Variants in MPV17L2 observed in about 807,000 individuals in gnomAD.
The protein encoded by MPV17L2 is MPV17 mitochondrial inner membrane protein like 2.
Under a neutral mutation model 24.2 loss-of-function variants are expected in MPV17L2, and 25 were observed. The ratio of observed to expected loss-of-function variants is 1.03; its 90% CI spans 0.75 to 1.44. The LOEUF (loss-of-function observed/expected upper bound fraction) is 1.44. Among genes scored for constraint, MPV17L2 ranks in the 40% most tolerant of loss-of-function variants. The pLI is 0.00. For synonymous variants in MPV17L2, 130 were observed against 121.4 expected (o/e 1.07, Z -0.46); for missense variants, 271 against 276.2 (o/e 0.98, Z 0.13).
At chr19:18,193,834 G>C (rs375981034) in intron 1 of MPV17L2, 30 bp from the exon 2 acceptor site, 2 of 1,607,862 alleles carry the variant, frequency 1.2e-6, no homozygotes, top group Non-Finnish European at 1.7e-6. Flanking sequence ...TTGCCGGCCC[G>C]ACCCAGCCCC....
rs771796266 is a variant in MPV17L2 at position 18,193,877 on chromosome 19, G to A, written c.201G>A (p.Ala67=). The change falls in exon 2 of 5, where the codon GCG becomes GCA. Residue 67 remains alanine, a synonymous_variant. Coordinates refer to ENST00000599612, the MANE Select transcript of MPV17L2 (RefSeq NM_032683.3). ...FDPRRSASMF[A]VGCSMGPFLH... is the part of the protein sequence containing the mutation. ...ACACTCTTATAGCGAGCATGTTTGCGGTGGGCTGCAGCATGGGTCCCTTCC... is the reference window on the plus strand; with the variant it reads ...ACACTCTTATAGCGAGCATGTTTGCAGTGGGCTGCAGCATGGGTCCCTTCC... 6.2e-7 allele frequency: 1 copy of A among 1,614,174 alleles called. No homozygotes were observed. The highest frequency in any genetic ancestry group is 2.2e-5 in the East Asian group (1 of 44,890).
chr19:18,196,652 T>C lies in MPV17L2; in HGVS notation c.*597T>C. The C allele has an allele frequency of 2.8e-6, 1 of 358,794 alleles. No individual in the cohort carries two copies. Among genetic ancestry groups the C allele is most frequent in the Non-Finnish European group, 5.4e-6 (1 of 184,854 alleles). The allele number at this position is 358,794 out of a possible 1,614,324, so 22.2% of individuals were successfully genotyped here. ...CCTTCCCGAGGCTGAGGTGGAAGGA[T>C]TGCTCGAGGCCAGGTGTTCGAGACC... On this transcript the variant is annotated 3_prime_UTR_variant, in exon 5 of 5. Transcript: ENST00000599612.
intron 4 of MPV17L2, 104 bp downstream of exon 4, chr19:18,195,190 C>T (rs1020537172): frequency 2.0e-6 from 3 of 1,504,328 alleles, no homozygotes; most frequent in Non-Finnish European, 1.8e-6. Flanking sequence ...GTGGGAGTCT[C>T]CTGTGCTCCT....
rs1386325517 is a variant in MPV17L2, at chr19:18,196,749, GGAT to G, written c.*698_*700del. On this transcript the variant is annotated 3_prime_UTR_variant, in exon 5 of 5. Coordinates refer to ENST00000599612, the MANE Select transcript of MPV17L2 (RefSeq NM_032683.3). ...TAAAAATAACAAAAGAAAATGCTGT[GGAT>G]GATCAAAACCAGGGTGGGCAGGACC... is the stretch of plus-strand genomic sequence containing the variant. The G allele has an allele frequency of 3.1e-6, 1 of 324,138 alleles. No homozygotes were observed. The highest frequency in any genetic ancestry group is 8.1e-5 in the East Asian group (1 of 12,332). 20.1% of individuals were successfully genotyped at this position (324,138 alleles called of 1,614,324 possible).
In MPV17L2 at chr19:18,193,968, GTCC is replaced by G; in HGVS notation, c.295_297del (p.Leu99del). 1 of 1,614,236 alleles carries G rather than the reference GTCC, an allele frequency of 6.2e-7. No homozygotes were observed. The highest frequency in any genetic ancestry group is 8.5e-7 in the Non-Finnish European group (1 of 1,180,042). ...GTCTGGCCTCCGAGGCTTCCCAAAT[GTCC>G]TCAAGAAGGTCCTCGTGGATCAGCT... On this transcript the variant is annotated inframe_deletion, in exon 2 of 5. Transcript: ENST00000599612.
chr19:18,193,259 C>T lies in MPV17L2; in HGVS notation c.-23C>T, dbSNP rs781433793. ...GCGCGGCGAAAGCAGAGCGGCGCGC[C>T]GGTTCCTTGGTTCCTGAGGGCGATG... On this transcript the variant is annotated 5_prime_UTR_variant, in exon 1 of 5. Coordinates refer to ENST00000599612, the MANE Select transcript of MPV17L2 (RefSeq NM_032683.3). 1.3e-5 allele frequency: 19 copies of T among 1,467,118 alleles called. No homozygotes were observed. The highest frequency in any genetic ancestry group is 1.4e-5 in the South Asian group (1 of 73,982). The allele number at this position is 1,467,118 out of a possible 1,614,324, so 90.9% of individuals were successfully genotyped here.
chr19:18,196,947 A>AC (rs148340002), exon 5 of MPV17L2: 7,460 of 132,642 alleles, frequency 0.056, 275 homozygotes, highest in Non-Finnish European at 0.076. Flanking sequence ...CCCACAGCAC[A>AC]CCCCCCCACC....
chr19:18,194,309 A>AAGAGGGAACCAGCGGGC (rs1967473542), intron 2 of MPV17L2: 1 of 511,954 alleles, frequency 2.0e-6, no homozygotes. Context: ...TTGAGACATG[A>AAGAGGGAACCAGCGGGC]AGAGGGAACC....
At position 18,194,964 on chromosome 19, in the gene MPV17L2, T is replaced by C; in HGVS notation, c.442T>C (p.Trp148Arg). The C allele has an allele frequency of 6.3e-7, 1 of 1,588,880 alleles. No individual in the cohort carries two copies. The highest frequency in any genetic ancestry group is 8.6e-7 in the Non-Finnish European group (1 of 1,166,048). ...EKFWEFYKAD[W>R]CVWPAAQFVN... ...CCCCCGCCTCTCCCCGCAGGCAGAC[T>C]GGTGCGTGTGGCCTGCTGCGCAGTT... Residue 148 changes from tryptophan (W) to arginine (R), a missense_variant, in exon 4 of 5, where the codon TGG (tryptophan) becomes CGG (arginine). Coordinates refer to ENST00000599612, the MANE Select transcript of MPV17L2 (RefSeq NM_032683.3).
In MPV17L2 at chr19:18,196,584, AAACTGC is replaced by A. The variant is rs1264397994; in HGVS notation, c.*530_*535del. On this transcript the variant is annotated 3_prime_UTR_variant, in exon 5 of 5. Coordinates refer to ENST00000599612, the MANE Select transcript of MPV17L2 (RefSeq NM_032683.3). ...TTAAACTCTCTCTATAATGTAACTG[AAACTGC>A]TGGCTGGGCGCAGTGGCTCCCACCT... 1 of 560,058 alleles carries A rather than the reference AAACTGC, an allele frequency of 1.8e-6. No homozygotes were observed. Among genetic ancestry groups the A allele is most frequent in the African/African-American group, 2.0e-5 (1 of 50,238 alleles). 34.7% of individuals were successfully genotyped at this position (560,058 alleles called of 1,614,324 possible). A position where few individuals can be genotyped will look rare whatever the true frequency, so the allele number is the denominator to read the frequency against.
intron 2 of MPV17L2, 47 bp from the exon 3 acceptor site, chr19:18,194,729 CA>C: frequency 6.6e-7 from 1 of 1,526,502 alleles, no homozygotes; most frequent in Non-Finnish European, 8.9e-7. Flanking sequence ...GTCGTCTCAA[CA>C]GTACTTCCTG....
In MPV17L2 at chr19:18,196,813, G is replaced by A. The variant is rs370913989; in HGVS notation, c.*758G>A. The A allele has an allele frequency of 6.9e-5, 20 of 288,644 alleles. No homozygotes were observed. The highest frequency in any genetic ancestry group is 6.3e-4 in the East Asian group (7 of 11,164). The allele number at this position is 288,644 out of a possible 1,614,324, so 17.9% of individuals were successfully genotyped here. The stretch of plus-strand genomic sequence containing the variant: ...AGGGACACACATGGATGGTCCATTC[G>A]CTTTATTGGGTGCGTGTAGTGTTGT... On this transcript the variant is annotated 3_prime_UTR_variant, in exon 5 of 5. Coordinates refer to ENST00000599612, the MANE Select transcript of MPV17L2 (RefSeq NM_032683.3).
intron 1 of MPV17L2, 139 bp downstream of exon 1, chr19:18,193,607 G>A: frequency 7.1e-7 from 1 of 1,406,226 alleles, no homozygotes. Context: ...CCGGGTGTCT[G>A]TCTCCCCGCA....
intron 3 of MPV17L2, 40 bp downstream of exon 3, chr19:18,194,893 C>G (rs1308427685): frequency 1.9e-6 from 3 of 1,591,936 alleles, no homozygotes; most frequent in African/African-American, 2.7e-5. Flanking sequence ...GGCCCCGCCC[C>G]CTGATGGCCG....
At position 18,196,247 on chromosome 19, in the gene MPV17L2, C is replaced by T; in HGVS notation, c.*192C>T. 3 of 1,523,646 alleles carry T rather than the reference C, an allele frequency of 2.0e-6. No homozygotes were observed. Among genetic ancestry groups the T allele is most frequent in the East Asian group, 2.5e-5 (1 of 40,122 alleles). 94.4% of individuals were successfully genotyped at this position (1,523,646 alleles called of 1,614,324 possible). A position where few individuals can be genotyped will look rare whatever the true frequency, so the allele number is the denominator to read the frequency against. On this transcript the variant is annotated 3_prime_UTR_variant, in exon 5 of 5. Coordinates refer to ENST00000599612, the MANE Select transcript of MPV17L2 (RefSeq NM_032683.3). ...ACTGAGTTTCCTCAACCGGAACACA[C>T]CCATGAAGATGGATGATCATCCCCT...
intron 4 of MPV17L2, 49 bp from the exon 5 acceptor site, chr19:18,195,950 G>A (rs1442932926): frequency 2.6e-6 from 4 of 1,557,440 alleles, no homozygotes; most frequent in African/African-American, 1.4e-5. Flanking sequence ...AGAGGGACAG[G>A]GAGGGATGAG....
chr19:18,193,452 C>T lies in MPV17L2; in HGVS notation c.171C>T (p.Phe57=). The T allele has an allele frequency of 6.5e-7, 1 of 1,534,442 alleles. No homozygotes were observed. Among genetic ancestry groups the T allele is most frequent in the Non-Finnish European group, 8.7e-7 (1 of 1,151,836 alleles). Reference sequence around the variant, plus strand: ...TCCGCGCCCGGCCCGGCCAGGTTTTCGACCCACGGCGCTCCGGTGAGGACG... The same window carrying T: ...TCCGCGCCCGGCCCGGCCAGGTTTTTGACCCACGGCGCTCCGGTGAGGACG... ...WEIRARPGQV[F]DPRRSASMFA... Residue 57 remains phenylalanine, a synonymous_variant, in exon 1 of 5, where the codon TTC becomes TTT. Transcript: ENST00000599612.
rs1967532444 is a variant in MPV17L2 at position 18,196,909 on chromosome 19, G to GGA, written c.*855_*856insAG. On this transcript the variant is annotated 3_prime_UTR_variant, in exon 5 of 5. Transcript: ENST00000599612. ...GGTCAGAACAGGTCTGGTGGGCGGG[G>GGA]GGGGGGGGGGTCCCAGGGTGGTGAA... 7.1e-6 allele frequency: 1 copy of GGA among 141,354 alleles called. No individual in the cohort carries two copies. Among genetic ancestry groups the GGA allele is most frequent in the South Asian group, 2.2e-4 (1 of 4,566 alleles). 8.8% of individuals were successfully genotyped at this position (141,354 alleles called of 1,614,324 possible). A position where few individuals can be genotyped will look rare whatever the true frequency, so the allele number is the denominator to read the frequency against.
intron 4 of MPV17L2, 76 bp from the exon 5 acceptor site, chr19:18,195,923 C>T (rs1252989404): frequency 1.4e-6 from 2 of 1,459,862 alleles, no homozygotes; most frequent in Non-Finnish European, 1.9e-6. Context: ...GGGCTGACCT[C>T]TGGCCCAAGG....
Sources: gnomAD v4.1 joint callset for allele counts on GRCh38, gnomAD v4.1.1 for gene constraint, MANE v1.5 for transcripts, NCBI Gene and HGNC (gene_info 2026-07-23, HGNC 2026-07-21) for gene names.